The following TCF12 variants were observed in gnomAD, a reference collection of about 807,000 sequenced individuals.
TCF12 encodes the protein DNA-binding protein HTF4.
In TCF12, 45 loss-of-function variants were observed where a neutral mutation model predicts 86.0. That is an observed-to-expected ratio of 0.52 (90% CI 0.41 to 0.67). TCF12 has a LOEUF of 0.67. Ranked by LOEUF, TCF12 falls within the 30% of genes least tolerant of loss-of-function variation. TCF12 has a pLI of 0.00. For synonymous variants in TCF12, 330 were observed against 299.6 expected, an observed-to-expected ratio of 1.10 and a Z score of -1.05; for missense variants, 881 against 859.9, an observed-to-expected ratio of 1.02 and a Z score of -0.31.
chr15:57,248,137 C>A, intron 13 of TCF12: 2 of 701,768 alleles, frequency 2.8e-6, no homozygotes, highest in South Asian at 3.0e-5. Context: ...TTTAAGGATC[C>A]TTTTCCAGAA....
At chr15:57,231,283 A>G in intron 9 of TCF12, 26 bp downstream of exon 9, 2 of 1,452,146 alleles carry the variant, frequency 1.4e-6, no homozygotes, top group Admixed American at 1.7e-5. Context: ...CAATTGCCAA[A>G]TACTACTGCA....
chr15:57,280,085 G>A (rs1193988246), intron 19 of TCF12, among the ~76,000 whole-genome samples: 3 of 151,616 alleles, frequency 2.0e-5, no homozygotes, highest in African/African-American at 4.9e-5. Flanking sequence ...AGTAGAGATC[G>A]GGTTTCACCA....
chr15:56,925,103 G>T (rs1412672000), intron 3 of TCF12, among the ~76,000 whole-genome samples: 1 of 152,108 alleles, frequency 6.6e-6, no homozygotes, highest in Non-Finnish European at 1.5e-5. Context: ...GGAGGCTGGG[G>T]TGGGAGAATT....
intron 18 of TCF12, among the ~76,000 whole-genome samples, chr15:57,268,279 T>C (rs1298204534): frequency 6.6e-6 from 1 of 152,244 alleles, no homozygotes; most frequent in Non-Finnish European, 1.5e-5. Context: ...AATGAGTGGC[T>C]ATCTGTGGAC....
intron 5 of TCF12, among the ~76,000 whole-genome samples, chr15:57,147,110 C>T (rs1416732577): frequency 3.9e-5 from 6 of 152,026 alleles, no homozygotes; most frequent in Non-Finnish European, 7.4e-5. Flanking sequence ...AACATAAGGG[C>T]CTTCCAAAGC....
At chr15:57,194,400 C>T (rs1480672856) in intron 7 of TCF12, among the ~76,000 whole-genome samples, 1 of 152,102 alleles carries the variant, frequency 6.6e-6, no homozygotes, top group East Asian at 1.9e-4. Flanking sequence ...TATGGTAGTT[C>T]TCTTGGTGCC....
At chr15:57,031,911 A>C (rs1311098518) in intron 3 of TCF12, among the ~76,000 whole-genome samples, 1 of 152,162 alleles carries the variant, frequency 6.6e-6, no homozygotes, top group Non-Finnish European at 1.5e-5. Context: ...GCATGCAGGA[A>C]CCAAAACTCT....
intron 18 of TCF12, among the ~76,000 whole-genome samples, chr15:57,268,652 T>C (rs1161612413): frequency 6.6e-6 from 1 of 152,216 alleles, no homozygotes; most frequent in Non-Finnish European, 1.5e-5. Flanking sequence ...GAAGCTGTGG[T>C]CAGTAATTTA....
chr15:57,236,259 T>G (rs376194408), intron 12 of TCF12, among the ~76,000 whole-genome samples: 1 of 152,196 alleles, frequency 6.6e-6, no homozygotes, highest in Non-Finnish European at 1.5e-5. Flanking sequence ...TTTCCAACTT[T>G]CCTTACAGAC....
intron 8 of TCF12, among the ~76,000 whole-genome samples, chr15:57,223,768 A>T (rs1048741449): frequency 6.6e-6 from 1 of 150,848 alleles, no homozygotes; most frequent in Non-Finnish European, 1.5e-5. Flanking sequence ...ACAGAAACCG[A>T]TGTGACTGTA....
intron 12 of TCF12, among the ~76,000 whole-genome samples, chr15:57,237,667 GTTC>G (rs2059436309): frequency 6.6e-6 from 1 of 152,018 alleles, no homozygotes; most frequent in Non-Finnish European, 1.5e-5. Flanking sequence ...AACTGATTTT[GTTC>G]TTCTTTTTAT....
intron 7 of TCF12, among the ~76,000 whole-genome samples, chr15:57,197,186 C>CT (rs1324206103): frequency 1.4e-5 from 1 of 71,302 alleles, no homozygotes; most frequent in African/African-American, 4.9e-5. Flanking sequence ...GACAGAGGTT[C>CT]TCTCTTGTTA....
rs552662858 is a variant in TCF12 at position 57,089,829 on chromosome 15, C to T, written c.223-1960C>T. ...TTGATGCCTTCCTTTGACTGTGTGC[C>T]TAAGAATGGCAGTGGGAAGGGTGGC... On this transcript the variant is annotated intron_variant, in intron 4 of 20. Coordinates refer to ENST00000333725, the MANE Select transcript of TCF12 (RefSeq NM_207037.2). Among the ~76,000 whole-genome samples, 6 of 152,156 alleles carry T rather than the reference C, an allele frequency of 3.9e-5. No individual in the cohort carries two copies. The South Asian group carries it at 1.2e-3, about 32-fold the overall frequency.
At chr15:57,257,755 A>G (rs544062641) in intron 16 of TCF12, among the ~76,000 whole-genome samples, 1 of 151,718 alleles carries the variant, frequency 6.6e-6, no homozygotes, top group East Asian at 1.9e-4. Flanking sequence ...GTCAGTGATC[A>G]AGGTTACTAG....
At chr15:57,163,635 G>A (rs1172662832) in intron 5 of TCF12, among the ~76,000 whole-genome samples, 1 of 152,152 alleles carries the variant, frequency 6.6e-6, no homozygotes, top group Non-Finnish European at 1.5e-5. Flanking sequence ...CCCAGAAGTT[G>A]GAGGCTGCAG....
intron 8 of TCF12, among the ~76,000 whole-genome samples, chr15:57,209,008 G>A (rs139319273): frequency 1.1e-3 from 171 of 152,248 alleles, no homozygotes; most frequent in African/African-American, 3.9e-3. Flanking sequence ...GAGTCACTGC[G>A]GCCAGCCCAA....
At chr15:57,219,062 CGCTG>C in intron 8 of TCF12, 1 of 1,052,318 alleles carries the variant, frequency 9.5e-7, no homozygotes, top group Non-Finnish European at 1.1e-6. Context: ...CAGATGGTAA[CGCTG>C]GAGGTGTAGC....
At chr15:57,243,850 A>G (rs2059736620) in intron 13 of TCF12, among the ~76,000 whole-genome samples, 1 of 152,180 alleles carries the variant, frequency 6.6e-6, no homozygotes, top group Non-Finnish European at 1.5e-5. Context: ...AAGATAAAAT[A>G]TGGAGAAAGA....
intron 3 of TCF12, among the ~76,000 whole-genome samples, chr15:56,990,151 CTTTTTTTTTTT>C (rs372235874): frequency 6.5e-5 from 6 of 92,724 alleles, no homozygotes; most frequent in Non-Finnish European, 1.1e-4. Context: ...ATAGTCTTGT[CTTTTTTTTTTT>C]TTTTTTTTGG....
Sources: allele counts gnomAD v4.1 joint callset (sites outside exome capture counted in the v4.1 genomes callset), GRCh38; gene constraint gnomAD v4.1.1; transcripts MANE v1.5; gene names NCBI Gene and HGNC (gene_info 2026-07-23, HGNC 2026-07-21).